Variants in ANXA8 observed in about 807,000 individuals in gnomAD.
ANXA8 encodes the protein annexin A8.
A neutral mutation model predicts 26.8 loss-of-function variants in ANXA8; 9 were observed. The ratio of observed to expected loss-of-function variants is 0.34; its 90% CI spans 0.20 to 0.59. ANXA8 has a LOEUF of 0.59. Ranked by LOEUF, ANXA8 falls within the 20% of genes least tolerant of loss-of-function variation. ANXA8 has a pLI of 0.84. For synonymous variants in ANXA8, 39 were observed against 94.8 expected, an observed-to-expected ratio of 0.41 and a Z score of 3.42; for missense variants, 83 against 238.5, an observed-to-expected ratio of 0.35 and a Z score of 4.29.
At chr10:47,616,235 C>CT in the ANXA8 span, among the ~76,000 whole-genome samples, 1,777 of 67,152 alleles carry the variant, frequency 0.026, 319 homozygotes, top group African/African-American at 0.077. Context: ...AAGAGAGAAG[C>CT]TTTTTTTTTT....
the ANXA8 span, among the ~76,000 whole-genome samples, chr10:47,554,898 G>C: frequency 6.6e-6 from 1 of 151,378 alleles, no homozygotes; most frequent in African/African-American, 2.4e-5. Context: ...GTCAGTAGCC[G>C]GGTAAATAAT....
At chr10:47,678,752 G>A in the ANXA8 span, among the ~76,000 whole-genome samples, 89 of 151,666 alleles carry the variant, frequency 5.9e-4, 1 homozygote, top group Middle Eastern at 3.4e-3. Context: ...AGGAAACAGC[G>A]TCTGGGTGGC....
chr10:47,646,877 AT>A, the ANXA8 span, among the ~76,000 whole-genome samples: 6 of 152,090 alleles, frequency 3.9e-5, no homozygotes, highest in Non-Finnish European at 8.8e-5. Context: ...TCCCATTTTT[AT>A]TTTGCCATTT....
At chr10:47,496,998 T>C in the ANXA8 span, among the ~76,000 whole-genome samples, 1 of 149,308 alleles carries the variant, frequency 6.7e-6, no homozygotes, top group East Asian at 2.0e-4. Context: ...TTGGAGACTA[T>C]GAAAATTTTG....
At chr10:47,959,731 C>T in the ANXA8 span, among the ~76,000 whole-genome samples, 3 of 149,314 alleles carry the variant, frequency 2.0e-5, 1 homozygote, top group African/African-American at 7.5e-5. Context: ...CACGGATTTC[C>T]CAGTTAGAGA....
At chr10:47,755,107 C>G in the ANXA8 span, among the ~76,000 whole-genome samples, 2 of 150,662 alleles carry the variant, frequency 1.3e-5, no homozygotes, top group African/African-American at 2.5e-5. Flanking sequence ...CAGGCGTGCA[C>G]CACCACGCCT....
At chr10:47,951,635 C>A in the ANXA8 span, among the ~76,000 whole-genome samples, 2 of 150,052 alleles carry the variant, frequency 1.3e-5, no homozygotes, top group South Asian at 4.2e-4. Flanking sequence ...CATGGTGAAA[C>A]CCCATCTCTA....
At chr10:47,643,579 T>C in the ANXA8 span, among the ~76,000 whole-genome samples, 1 of 148,282 alleles carries the variant, frequency 6.7e-6, no homozygotes, top group Non-Finnish European at 1.5e-5. Context: ...TAAAAAGTCA[T>C]TGCATTATTT....
chr10:47,960,234 A>G, the ANXA8 span, among the ~76,000 whole-genome samples: 1 of 147,266 alleles, frequency 6.8e-6, no homozygotes, highest in Non-Finnish European at 1.5e-5. Flanking sequence ...TGGATGCCTA[A>G]GGTCCTTGCA....
the ANXA8 span, among the ~76,000 whole-genome samples, chr10:47,658,152 G>C: frequency 6.6e-6 from 1 of 151,926 alleles, no homozygotes; most frequent in East Asian, 1.9e-4. Context: ...GGTGGATCAC[G>C]AGATCAAGAG....
the ANXA8 span, among the ~76,000 whole-genome samples, chr10:47,573,364 C>T: frequency 3.3e-5 from 5 of 149,814 alleles, no homozygotes; most frequent in East Asian, 9.9e-4. Flanking sequence ...TTCCTGGGCT[C>T]GAGCCATCCT....
chr10:47,700,549 C>T, the ANXA8 span, among the ~76,000 whole-genome samples: 8 of 151,438 alleles, frequency 5.3e-5, 1 homozygote, highest in African/African-American at 1.7e-4. Flanking sequence ...CATGCAACAA[C>T]AAGAAGGAAA....
chr10:47,599,542 A>T, the ANXA8 span: 1 of 146,758 alleles, frequency 6.8e-6, no homozygotes, highest in Non-Finnish European at 1.5e-5. Context: ...AAAAGATTTG[A>T]CAAAAACTAG....
At position 47,468,727 on chromosome 10, in the gene ANXA8, G is replaced by A; in HGVS notation, c.*120C>T. Reference sequence around the variant, plus strand: ...CCCGGCTGGAAAGCACTGGAAATAGGGAAATAGAAGACCGAAAGGCTGGGA... The same window carrying A: ...CCCGGCTGGAAAGCACTGGAAATAGAGAAATAGAAGACCGAAAGGCTGGGA... On this transcript the variant is annotated 3_prime_UTR_variant, in exon 12 of 12. Coordinates refer to ENST00000585281, the MANE Select transcript of ANXA8 (RefSeq NM_001040084.3). The A allele has an allele frequency of 2.0e-6, 3 of 1,492,938 alleles. No homozygotes were observed. Among genetic ancestry groups the A allele is most frequent in the South Asian group, 1.2e-5 (1 of 80,128 alleles). The allele number at this position is 1,492,938 out of a possible 1,614,324, so 92.5% of individuals were successfully genotyped here.
the ANXA8 span, among the ~76,000 whole-genome samples, chr10:47,689,324 A>G: frequency 5.3e-5 from 8 of 151,724 alleles, no homozygotes; most frequent in East Asian, 2.0e-4. Context: ...GACTACAGGC[A>G]TGTGCTACCA....
chr10:47,737,591 C>A, the ANXA8 span, among the ~76,000 whole-genome samples: 1 of 151,810 alleles, frequency 6.6e-6, no homozygotes, highest in Non-Finnish European at 1.5e-5. Context: ...GGAAAAGTAC[C>A]CCCATATTTT....
the ANXA8 span, among the ~76,000 whole-genome samples, chr10:47,591,279 T>G: frequency 2.1e-5 from 3 of 143,910 alleles, no homozygotes; most frequent in African/African-American, 8.6e-5. Flanking sequence ...CATCTCTCAT[T>G]TATGCTTCCT....
the ANXA8 span, among the ~76,000 whole-genome samples, chr10:47,954,069 T>C: frequency 6.6e-6 from 1 of 151,042 alleles, no homozygotes; most frequent in African/African-American, 2.4e-5. Flanking sequence ...GAAATTAGTA[T>C]ATCAAAGAGA....
At chr10:47,768,075 G>C in the ANXA8 span, among the ~76,000 whole-genome samples, 23 of 150,444 alleles carry the variant, frequency 1.5e-4, 1 homozygote, top group African/African-American at 5.5e-4. Flanking sequence ...TCAGCATGGA[G>C]CAGAAGTCAG....
Sources: gnomAD v4.1 joint callset for allele counts (sites outside exome capture counted in the v4.1 genomes callset) on GRCh38, gnomAD v4.1.1 for gene constraint, MANE v1.5 for transcripts, NCBI Gene and HGNC (gene_info 2026-07-23, HGNC 2026-07-21) for gene names.